Variants in IL1RAPL2 observed in about 807,000 individuals in gnomAD.
IL1RAPL2 encodes the protein X-linked interleukin-1 receptor accessory protein-like 2.
Under a neutral mutation model 44.1 loss-of-function variants are expected in IL1RAPL2, and 3 were observed. The ratio of observed to expected loss-of-function variants is 0.07; its 90% CI spans 0.03 to 0.18. The LOEUF (loss-of-function observed/expected upper bound fraction) is 0.18, where lower values mean the gene tolerates loss of function less well. Among genes scored for constraint, IL1RAPL2 ranks in the 10% least tolerant of loss-of-function variants. The pLI is 1.00. For missense variants in IL1RAPL2, 391 were observed against 496.4 expected, an observed-to-expected ratio of 0.79 and a Z score of 2.02; for synonymous variants, 181 against 178.8, an observed-to-expected ratio of 1.01 and a Z score of -0.10.
intron 2 of IL1RAPL2, among the ~76,000 whole-genome samples, chrX:104,688,184 C>G (rs1931021886): frequency 8.9e-6 from 1 of 111,960 alleles, no homozygotes; most frequent in Non-Finnish European, 1.9e-5. Context: ...TGTCACCCGT[C>G]TTTCTATTCC....
intron 6 of IL1RAPL2, among the ~76,000 whole-genome samples, chrX:105,660,686 G>A: frequency 9.0e-6 from 1 of 111,624 alleles, no homozygotes; most frequent in Admixed American, 9.5e-5. Context: ...GTTTGTTTAT[G>A]CAACCAGTGT....
At chrX:104,808,974 C>T (rs1192648495) in intron 2 of IL1RAPL2, among the ~76,000 whole-genome samples, 1 of 111,629 alleles carries the variant, frequency 9.0e-6, no homozygotes, top group Non-Finnish European at 1.9e-5. Flanking sequence ...AAGTCGTGTA[C>T]TTGAGGTCCC....
At chrX:104,889,955 C>T (rs769971213) in intron 2 of IL1RAPL2, among the ~76,000 whole-genome samples, 1 of 110,730 alleles carries the variant, frequency 9.0e-6, no homozygotes, top group East Asian at 2.9e-4. Context: ...CCCCCTACCC[C>T]CAACCCAAGA....
chrX:105,025,928 T>A (rs911623997), intron 2 of IL1RAPL2, among the ~76,000 whole-genome samples: 1 of 111,345 alleles, frequency 9.0e-6, no homozygotes, highest in Non-Finnish European at 1.9e-5. Flanking sequence ...AGAAAGGCCC[T>A]GAGCATAGGG....
intron 2 of IL1RAPL2, among the ~76,000 whole-genome samples, chrX:104,685,408 C>G (rs763921885): frequency 8.9e-6 from 1 of 111,773 alleles, no homozygotes; most frequent in East Asian, 2.8e-4. Flanking sequence ...GGTACCTGTT[C>G]GGCCAAGTTA....
intron 6 of IL1RAPL2, among the ~76,000 whole-genome samples, chrX:105,640,026 T>C (rs1233654116): frequency 1.8e-5 from 2 of 111,271 alleles, no homozygotes; most frequent in Non-Finnish European, 3.8e-5. Flanking sequence ...AGATATTCTG[T>C]GAAAATCCAA....
rs771532540 is a variant in IL1RAPL2 at position 104,999,354 on chromosome X, A to G, written c.83-196121A>G. Among the ~76,000 whole-genome samples, 3 of 111,419 alleles carry G rather than the reference A, an allele frequency of 2.7e-5. No individual in the cohort carries two copies. The South Asian group carries it at 1.1e-3, about 42-fold the overall frequency. On this transcript the variant is annotated intron_variant, in intron 2 of 10. Coordinates refer to ENST00000372582, the MANE Select transcript of IL1RAPL2 (RefSeq NM_017416.2). ...ATGAGCTCTTGCAGCTGACTTGAAG[A>G]CAGTGGAGAAGGTGTGAAATATTTT...
chrX:104,610,310 G>T (rs1049598861), intron 1 of IL1RAPL2, among the ~76,000 whole-genome samples: 8 of 110,543 alleles, frequency 7.2e-5, no homozygotes, highest in African/African-American at 2.0e-4. Context: ...GGAAATAAAG[G>T]GTATTCAATT....
chrX:105,287,197 TC>T (rs1016548045), intron 5 of IL1RAPL2, among the ~76,000 whole-genome samples: 43 of 111,785 alleles, frequency 3.8e-4, no homozygotes, highest in Non-Finnish European at 5.8e-4. Context: ...AGGAAAGGCT[TC>T]TTGGAGGAAG....
At chrX:104,588,952 T>C (rs769907290) in intron 1 of IL1RAPL2, among the ~76,000 whole-genome samples, 2 of 112,141 alleles carry the variant, frequency 1.8e-5, no homozygotes, top group Non-Finnish European at 3.8e-5. Context: ...TTTAGTTTCT[T>C]CATTTTTGTA....
chrX:104,950,827 C>G, intron 2 of IL1RAPL2, among the ~76,000 whole-genome samples: 1 of 111,177 alleles, frequency 9.0e-6, no homozygotes, highest in East Asian at 2.8e-4. Flanking sequence ...CCTGCCTCAG[C>G]CTCCCGAGTA....
At chrX:104,712,721 A>G (rs753142346) in intron 2 of IL1RAPL2, among the ~76,000 whole-genome samples, 1 of 110,891 alleles carries the variant, frequency 9.0e-6, no homozygotes, top group African/African-American at 3.3e-5. Flanking sequence ...AGACTGCACC[A>G]TCCCCTGGTT....
chrX:105,625,338 A>C (rs927773446), intron 6 of IL1RAPL2, among the ~76,000 whole-genome samples: 1 of 111,902 alleles, frequency 8.9e-6, no homozygotes, highest in African/African-American at 3.2e-5. Flanking sequence ...ATCCGCAAGA[A>C]GTTCATTGCC....
At chrX:104,742,925 C>T (rs1164536054) in intron 2 of IL1RAPL2, among the ~76,000 whole-genome samples, 1 of 111,572 alleles carries the variant, frequency 9.0e-6, no homozygotes, top group East Asian at 2.8e-4. Flanking sequence ...CAAAACAAAT[C>T]GTGACTTCAG....
intron 5 of IL1RAPL2, among the ~76,000 whole-genome samples, chrX:105,351,801 C>A (rs1054621948): frequency 8.1e-5 from 9 of 111,496 alleles, no homozygotes; most frequent in African/African-American, 1.6e-4. Context: ...AAATCTTGAA[C>A]TTTGTTTTGA....
At chrX:105,665,888 G>A (rs1245219497) in intron 6 of IL1RAPL2, among the ~76,000 whole-genome samples, 1 of 106,276 alleles carries the variant, frequency 9.4e-6, no homozygotes, top group East Asian at 3.0e-4. Flanking sequence ...TCAGCCTCCC[G>A]AGTAGCTGGG....
chrX:105,447,304 T>A (rs1224289103), intron 5 of IL1RAPL2, among the ~76,000 whole-genome samples: 2 of 59,195 alleles, frequency 3.4e-5, no homozygotes, highest in Non-Finnish European at 5.5e-5. Context: ...AATATATATA[T>A]AAATATAAAT....
intron 2 of IL1RAPL2, among the ~76,000 whole-genome samples, chrX:104,685,363 T>C (rs1243482258): frequency 8.9e-6 from 1 of 112,141 alleles, no homozygotes; most frequent in Non-Finnish European, 1.9e-5. Flanking sequence ...TATTTGCACC[T>C]GCTCAATATA....
chrX:104,903,908 T>C (rs1350204348), intron 2 of IL1RAPL2, among the ~76,000 whole-genome samples: 2 of 111,615 alleles, frequency 1.8e-5, no homozygotes, highest in Non-Finnish European at 3.8e-5. Flanking sequence ...ATAACGATGA[T>C]AAATTACAGA....
Sources: gnomAD v4.1 joint callset for allele counts (sites outside exome capture counted in the v4.1 genomes callset) on GRCh38, gnomAD v4.1.1 for gene constraint, MANE v1.5 for transcripts, NCBI Gene and HGNC (gene_info 2026-07-23, HGNC 2026-07-21) for gene names.